Variants in OXR1 observed in about 807,000 individuals in gnomAD.
OXR1 encodes oxidation resistance protein 1.
OXR1 carries 41 observed loss-of-function variants against 104.6 expected under a neutral mutation model. The observed-to-expected ratio is 0.39, with a 90% CI of 0.31 to 0.51. OXR1 has a LOEUF of 0.51. Ranked by LOEUF, OXR1 falls within the 20% of genes least tolerant of loss-of-function variation. The pLI is 0.77. For missense variants in OXR1, 955 were observed against 1,031.9 expected, an observed-to-expected ratio of 0.93 and a Z score of 1.02; for synonymous variants, 348 against 348.4, an observed-to-expected ratio of 1.00 and a Z score of 0.01.
chr8:106,603,303 T>C (rs77513888), intron 3 of OXR1, among the ~76,000 whole-genome samples: 3,768 of 152,290 alleles, frequency 0.025, 161 homozygotes, highest in African/African-American at 0.087. Flanking sequence ...CAGAAAGCCT[T>C]GATGCTGTCC....
intron 2 of OXR1, among the ~76,000 whole-genome samples, chr8:106,488,132 G>A (rs373707952): frequency 6.9e-6 from 1 of 145,582 alleles, no homozygotes; most frequent in Admixed American, 6.9e-5. Context: ...GTGTGAGATG[G>A]TATCTCATTG....
intron 1 of OXR1, among the ~76,000 whole-genome samples, chr8:106,351,557 C>A (rs1244281852): frequency 1.3e-5 from 2 of 152,042 alleles, no homozygotes; most frequent in Non-Finnish European, 2.9e-5. Flanking sequence ...CGGGAAAATG[C>A]AAATCAGCTT....
chr8:106,658,477 C>A (rs866029693), intron 3 of OXR1, among the ~76,000 whole-genome samples: 17 of 152,202 alleles, frequency 1.1e-4, no homozygotes, highest in African/African-American at 3.4e-4. Flanking sequence ...AGGGGACGAT[C>A]CATTCTCTCT....
intron 3 of OXR1, 70 bp downstream of exon 3, chr8:106,519,209 C>T (rs1813080278): frequency 1.9e-6 from 2 of 1,069,988 alleles, no homozygotes; most frequent in Admixed American, 4.8e-5. Context: ...ATTTCTGGGT[C>T]TGTTTAGTTA....
intron 1 of OXR1, among the ~76,000 whole-genome samples, chr8:106,303,907 C>T (rs1015652210): frequency 6.6e-6 from 1 of 152,142 alleles, no homozygotes; most frequent in Non-Finnish European, 1.5e-5. Context: ...TCACTTCTCT[C>T]TTTTTTAGCT....
At chr8:106,313,976 AATCCTGG>A (rs1165695910) in intron 1 of OXR1, among the ~76,000 whole-genome samples, 1 of 152,212 alleles carries the variant, frequency 6.6e-6, no homozygotes, top group Non-Finnish European at 1.5e-5. Context: ...AAGTGTATTG[AATCCTGG>A]ACTATGTTTC....
intron 2 of OXR1, among the ~76,000 whole-genome samples, chr8:106,401,505 A>G (rs1489344689): frequency 6.6e-6 from 1 of 151,784 alleles, no homozygotes; most frequent in Non-Finnish European, 1.5e-5. Context: ...CAGCTCTGAA[A>G]TTTTAAGGGC....
At chr8:106,746,815 C>T (rs1347720132) in intron 16 of OXR1, among the ~76,000 whole-genome samples, 1 of 152,066 alleles carries the variant, frequency 6.6e-6, no homozygotes, top group Non-Finnish European at 1.5e-5. Context: ...ATTCAGCCCT[C>T]CCCTAAACAG....
intron 2 of OXR1, among the ~76,000 whole-genome samples, chr8:106,415,079 C>A (rs1054464992): frequency 1.3e-5 from 2 of 152,048 alleles, no homozygotes; most frequent in Non-Finnish European, 2.9e-5. Flanking sequence ...GCAATGTAAA[C>A]AAGTATGTGA....
At chr8:106,637,584 A>T (rs1255716501) in intron 3 of OXR1, among the ~76,000 whole-genome samples, 1 of 152,198 alleles carries the variant, frequency 6.6e-6, no homozygotes, top group African/African-American at 2.4e-5. Context: ...CTTGGGGAGG[A>T]AAGTCAATTC....
chr8:106,472,318 T>C (rs920319891), intron 2 of OXR1, among the ~76,000 whole-genome samples: 4 of 151,766 alleles, frequency 2.6e-5, no homozygotes, highest in South Asian at 4.1e-4. Context: ...CTGGTTTTTT[T>C]CCCCAGTTTA....
intron 2 of OXR1, among the ~76,000 whole-genome samples, chr8:106,517,583 G>GGCA (rs10636137): frequency 0.36 from 55,252 of 151,736 alleles, 11,747 homozygotes; most frequent in African/African-American, 0.59. Flanking sequence ...CCACCAGCAG[G>GGCA]GCAGAATTCC....
intron 11 of OXR1, among the ~76,000 whole-genome samples, chr8:106,724,469 C>T (rs997051114): frequency 1.3e-4 from 20 of 152,102 alleles, no homozygotes; most frequent in African/African-American, 4.6e-4. Context: ...TGGATGACTT[C>T]GAGAAACAGA....
chr8:106,437,191 A>G (rs1415313349), intron 2 of OXR1, among the ~76,000 whole-genome samples: 1 of 152,148 alleles, frequency 6.6e-6, no homozygotes, highest in Non-Finnish European at 1.5e-5. Context: ...AAAATTATTA[A>G]GGAAGTGATG....
chr8:106,611,850 T>C (rs1039399759), intron 3 of OXR1, among the ~76,000 whole-genome samples: 2 of 152,186 alleles, frequency 1.3e-5, no homozygotes, highest in Admixed American at 1.3e-4. Context: ...GAATTCAGTT[T>C]TTACATCAGT....
At chr8:106,733,321 G>A (rs1297729717) in intron 11 of OXR1, among the ~76,000 whole-genome samples, 2 of 151,968 alleles carry the variant, frequency 1.3e-5, no homozygotes, top group East Asian at 3.9e-4. Flanking sequence ...AGTAATGATG[G>A]CCCCTCTTCA....
At chr8:106,397,705 C>T (rs945385733) in intron 2 of OXR1, among the ~76,000 whole-genome samples, 2 of 151,810 alleles carry the variant, frequency 1.3e-5, no homozygotes, top group African/African-American at 4.8e-5. Flanking sequence ...CATAAATCAA[C>T]AATTTCTTTT....
chr8:106,613,256 G>T (rs569426749), intron 3 of OXR1, among the ~76,000 whole-genome samples: 1 of 152,298 alleles, frequency 6.6e-6, no homozygotes, highest in Admixed American at 6.5e-5. Flanking sequence ...CTTAGCGTAG[G>T]CTGCTCTCAA....
intron 3 of OXR1, among the ~76,000 whole-genome samples, chr8:106,609,325 G>A (rs1273517635): frequency 6.6e-6 from 1 of 152,130 alleles, no homozygotes; most frequent in Non-Finnish European, 1.5e-5. Flanking sequence ...TGCTCACAAA[G>A]AAGCATCAAA....
Sources: allele counts gnomAD v4.1 joint callset (sites outside exome capture counted in the v4.1 genomes callset), GRCh38; gene constraint gnomAD v4.1.1; transcripts MANE v1.5; gene names NCBI Gene and HGNC (gene_info 2026-07-23, HGNC 2026-07-21).